PCBP3: variants seen among roughly 807,000 people sequenced by gnomAD.
PCBP3 encodes the protein poly(rC) binding protein 3, also known as poly(rC)-binding protein 3.
A neutral mutation model predicts 52.7 loss-of-function variants in PCBP3; 25 were observed. That is an observed-to-expected ratio of 0.47 (90% CI 0.35 to 0.66). The LOEUF is 0.66. PCBP3 is among the 30% of genes least tolerant of loss of function. PCBP3 has a pLI of 0.01. For synonymous variants in PCBP3, 162 were observed against 183.0 expected, an observed-to-expected ratio of 0.89 and a Z score of 0.93; for missense variants, 391 against 490.3, an observed-to-expected ratio of 0.80 and a Z score of 1.91.
chr21:45,767,235 CT>C (rs1466089657), intron 4 of PCBP3, among the ~76,000 whole-genome samples: 1 of 152,296 alleles, frequency 6.6e-6, no homozygotes, highest in East Asian at 1.9e-4. Flanking sequence ...TCCCCAGCCC[CT>C]GGCAGCCACT....
chr21:45,923,277 A>G (rs1312722717), intron 13 of PCBP3, among the ~76,000 whole-genome samples: 1 of 152,314 alleles, frequency 6.6e-6, no homozygotes, highest in South Asian at 2.1e-4. Flanking sequence ...CTCTGGGCAC[A>G]TGCCGAGGGG....
chr21:45,940,798 C>CCACCAGCCCCCCAGCCAGGCACACTGTAT (rs2077380500), intron 17 of PCBP3, among the ~76,000 whole-genome samples: 1 of 151,900 alleles, frequency 6.6e-6, no homozygotes, highest in Non-Finnish European at 1.5e-5. Context: ...GCACACTGTA[C>CCACCAGCCCCCCAGCCAGGCACACTGTAT]CACCAGCCCC....
intron 4 of PCBP3, among the ~76,000 whole-genome samples, chr21:45,767,483 G>A (rs2089456065): frequency 6.6e-6 from 1 of 152,122 alleles, no homozygotes; most frequent in Non-Finnish European, 1.5e-5. Flanking sequence ...ATTGTGAATA[G>A]TACCACCATG....
intron 5 of PCBP3, among the ~76,000 whole-genome samples, chr21:45,876,898 C>T (rs2095271969): frequency 1.3e-5 from 2 of 152,208 alleles, no homozygotes; most frequent in Admixed American, 6.5e-5. Context: ...GCTGCGGCTG[C>T]GAGGACCCCA....
In PCBP3 at chr21:45,817,230, CGTT is replaced by C. The variant is rs2147278132; in HGVS notation, c.-125-32728_-125-32726del. Among the ~76,000 whole-genome samples the C allele has an allele frequency of 6.6e-6, 1 of 152,326 alleles. No homozygotes were observed. The highest frequency in any genetic ancestry group is 2.1e-4 in the South Asian group (1 of 4,830). On this transcript the variant is annotated intron_variant, in intron 4 of 17. Coordinates refer to ENST00000681687, the MANE Select transcript of PCBP3 (RefSeq NM_001384156.1). The surrounding 1 kb of genome is among the most constrained non-coding windows in gnomAD (Gnocchi z 4.3). ...CACTATCCCTTCCTCTAGAACTTAA[CGTT>C]GTCCTCCTCCTAAGGTGTAGCCTTT...
intron 4 of PCBP3, among the ~76,000 whole-genome samples, chr21:45,816,197 A>G (rs1046555094): frequency 3.0e-4 from 46 of 152,154 alleles, no homozygotes; most frequent in Non-Finnish European, 5.3e-4. Context: ...TGTAGACTTC[A>G]TAAGTACTGT....
intron 4 of PCBP3, among the ~76,000 whole-genome samples, chr21:45,810,216 TTC>T (rs2092641398): frequency 1.4e-5 from 1 of 73,774 alleles, no homozygotes; most frequent in Admixed American, 1.4e-4. Flanking sequence ...CGTGATTCGA[TTC>T]TGTGTGTGTG....
At chr21:45,660,741 C>T (rs2080336154) in intron 1 of PCBP3, among the ~76,000 whole-genome samples, 1 of 152,056 alleles carries the variant, frequency 6.6e-6, no homozygotes, top group African/African-American at 2.4e-5. Context: ...CTGTTATTGT[C>T]ATACAAAGTA....
chr21:45,670,914 C>T (rs1206099758), intron 2 of PCBP3, among the ~76,000 whole-genome samples: 1 of 152,144 alleles, frequency 6.6e-6, no homozygotes, highest in African/African-American at 2.4e-5. Context: ...GTGGTCATGC[C>T]ATCTGCTACG....
intron 2 of PCBP3, among the ~76,000 whole-genome samples, chr21:45,729,580 G>T (rs1348798814): frequency 6.6e-6 from 1 of 152,056 alleles, no homozygotes; most frequent in Non-Finnish European, 1.5e-5. Context: ...TTTGATTATA[G>T]CCATTCTGGT....
chr21:45,797,292 G>A (rs1333220460), intron 4 of PCBP3, among the ~76,000 whole-genome samples: 1 of 151,892 alleles, frequency 6.6e-6, no homozygotes, highest in Non-Finnish European at 1.5e-5. Flanking sequence ...TCCACAGAGA[G>A]TGAATGCGTG....
At chr21:45,646,107 C>CTCTCTGTGTG (rs1555895746) in intron 1 of PCBP3, among the ~76,000 whole-genome samples, 851 of 83,758 alleles carry the variant, frequency 0.01, 21 homozygotes, top group Non-Finnish European at 0.015. Context: ...CTCTCTCTCT[C>CTCTCTGTGTG]TGTGTGTGTG....
chr21:45,819,099 A>G (rs948004238), intron 4 of PCBP3, among the ~76,000 whole-genome samples: 2 of 152,182 alleles, frequency 1.3e-5, no homozygotes, highest in African/African-American at 4.8e-5. Flanking sequence ...GTCATTACAC[A>G]TTTGCCCAAA....
chr21:45,737,482 C>T lies in PCBP3; in HGVS notation c.-162+2053C>T, dbSNP rs978155495. 2.0e-5 allele frequency among the ~76,000 whole-genome samples: 3 copies of T among 152,210 alleles called. No homozygotes were observed. The highest frequency in any genetic ancestry group is 4.4e-5 in the Non-Finnish European group (3 of 68,040). ...ATTTTCTCTTCGACTTTGGTGTTGT[C>T]CAAATTCTTCTGAGCCTAACTGTAG... On this transcript the variant is annotated intron_variant, in intron 3 of 17. Transcript: ENST00000681687. The surrounding 1 kb of genome is among the most constrained non-coding windows in gnomAD (Gnocchi z 4.9).
chr21:45,923,783 A>C (rs1271642366), intron 13 of PCBP3, among the ~76,000 whole-genome samples: 9 of 149,090 alleles, frequency 6.0e-5, no homozygotes, highest in Admixed American at 4.7e-4. Context: ...GGAACAGTTG[A>C]GTGGATAGAA....
chr21:45,862,193 G>A (rs1240722879), intron 5 of PCBP3, among the ~76,000 whole-genome samples: 1 of 142,408 alleles, frequency 7.0e-6, no homozygotes, highest in Admixed American at 7.3e-5. Context: ...GGGCGGGTGG[G>A]GGGACACGTA....
At position 45,724,185 on chromosome 21, in the gene PCBP3, C is replaced by T. The variant is rs562751503; in HGVS notation, c.-199-11207C>T. ...TTTAGGTAAAAACATAGCATTTGCT[C>T]ATTTTCCTTTATTGAGATCTGTTGA... On this transcript the variant is annotated intron_variant, in intron 2 of 17. Transcript: ENST00000681687. The surrounding 1 kb of genome is among the most constrained non-coding windows in gnomAD (Gnocchi z 5.3). Among the ~76,000 whole-genome samples the T allele has an allele frequency of 2.6e-5, 4 of 152,318 alleles. No individual in the cohort carries two copies. Among genetic ancestry groups the T allele is most frequent in the Admixed American group, 2.0e-4 (3 of 15,288 alleles).
At chr21:45,911,147 G>A (rs1603496893) in intron 11 of PCBP3, 117 bp downstream of exon 11, 1 of 1,229,160 alleles carries the variant, frequency 8.1e-7, no homozygotes, top group East Asian at 2.4e-5. Context: ...GGGGCTGTGG[G>A]GGGCTCCTGA....
chr21:45,914,107 A>G (rs2096458430), intron 12 of PCBP3, 82 bp downstream of exon 12: 1 of 1,605,120 alleles, frequency 6.2e-7, no homozygotes, highest in Admixed American at 1.7e-5. Flanking sequence ...TAGTGCACTC[A>G]GGTTTTCTCG....
Sources: allele counts gnomAD v4.1 joint callset (sites outside exome capture counted in the v4.1 genomes callset), GRCh38; gene constraint gnomAD v4.1.1; non-coding constraint Gnocchi (gnomAD v3.1); transcripts MANE v1.5; gene names NCBI Gene and HGNC (gene_info 2026-07-23, HGNC 2026-07-21).